ADCY8: variants seen among roughly 807,000 people sequenced by gnomAD.
ADCY8 encodes adenylate cyclase type 8.
Under a neutral mutation model 119.7 loss-of-function variants are expected in ADCY8, and 51 were observed. That is an observed-to-expected ratio of 0.43 (90% CI 0.34 to 0.54). The LOEUF is 0.54. ADCY8 is among the 20% of genes least tolerant of loss of function. The pLI is 0.03. For synonymous variants in ADCY8, 665 were observed against 651.0 expected (o/e 1.02, Z -0.33); for missense variants, 1,383 against 1,598.8 (o/e 0.87, Z 2.30).
intron 2 of ADCY8, among the ~76,000 whole-genome samples, chr8:130,987,480 A>T (rs1168248510): frequency 6.6e-6 from 1 of 151,524 alleles, no homozygotes; most frequent in East Asian, 1.9e-4. Flanking sequence ...TTAAATAATT[A>T]TTTTTTTTTG....
At position 130,938,369 on chromosome 8, in the gene ADCY8, C is replaced by T. The variant is rs137877886; in HGVS notation, c.1354-1169G>A. Reference sequence around the variant, plus strand: ...GAAGAGTTGGACTCCAGGCCTAGCTCCTTCACATATCTGTTTTTCATCATG... The same window carrying T: ...GAAGAGTTGGACTCCAGGCCTAGCTTCTTCACATATCTGTTTTTCATCATG... On this transcript the variant is annotated intron_variant, in intron 4 of 17. Transcript: ENST00000286355. Among the ~76,000 whole-genome samples the T allele has an allele frequency of 9.4e-3, 1,431 of 152,194 alleles. 24 individuals carry two copies. The highest frequency in any genetic ancestry group is 0.032 in the African/African-American group (1,349 of 41,514).
Position 130,895,059 on chromosome 8 carries a change from T to C in ADCY8, c.1911+8713A>G, listed in dbSNP as rs566283989. 3.3e-5 allele frequency among the ~76,000 whole-genome samples: 5 copies of C among 152,136 alleles called. No homozygotes were observed. The South Asian group carries it at 6.2e-4, about 19-fold the overall frequency. ...TTGGCAAAGTGAACACCAAGAATGA[T>C]AGAAAATAAATCCCACTTCTTTGTT... On this transcript the variant is annotated intron_variant, in intron 7 of 17. Coordinates refer to ENST00000286355, the MANE Select transcript of ADCY8 (RefSeq NM_001115.3).
chr8:130,912,532 A>T (rs901703915), intron 5 of ADCY8, among the ~76,000 whole-genome samples: 5 of 152,222 alleles, frequency 3.3e-5, no homozygotes, highest in Non-Finnish European at 5.9e-5. Flanking sequence ...CTTTTTTAAA[A>T]GAAAAAAATA....
At chr8:130,842,905 A>G (rs1317215758) in intron 11 of ADCY8, among the ~76,000 whole-genome samples, 2 of 150,908 alleles carry the variant, frequency 1.3e-5, no homozygotes, top group African/African-American at 4.9e-5. Context: ...ATTCAAATAT[A>G]CTCAGTCAAA....
chr8:130,893,657 GGTGT>G (rs113157821), intron 7 of ADCY8, among the ~76,000 whole-genome samples: 25,081 of 148,824 alleles, frequency 0.17, 2,128 homozygotes, highest in Non-Finnish European at 0.2. Context: ...GGGAGAAGAA[GGTGT>G]GTGTGTGTGT....
intron 1 of ADCY8, among the ~76,000 whole-genome samples, chr8:130,992,528 C>T (rs914702192): frequency 2.0e-5 from 3 of 150,726 alleles, no homozygotes; most frequent in Non-Finnish European, 2.9e-5. Context: ...AATTCTCCTG[C>T]CTCAGCCTCC....
At chr8:130,934,969 G>A (rs1465294709) in intron 5 of ADCY8, among the ~76,000 whole-genome samples, 2 of 152,090 alleles carry the variant, frequency 1.3e-5, no homozygotes, top group Non-Finnish European at 2.9e-5. Context: ...CCTTAAATGA[G>A]GCATAAGGCC....
intron 1 of ADCY8, among the ~76,000 whole-genome samples, chr8:131,000,420 G>C (rs910819325): frequency 2.0e-5 from 3 of 152,182 alleles, no homozygotes; most frequent in Non-Finnish European, 2.9e-5. Context: ...GGCTGAAGAA[G>C]TGTTGGCCTC....
intron 1 of ADCY8, among the ~76,000 whole-genome samples, chr8:131,030,029 T>C (rs1266567054): frequency 3.3e-5 from 5 of 152,278 alleles, no homozygotes; most frequent in Admixed American, 3.3e-4. Context: ...AAGGGGCTCA[T>C]AGTCTGGTGG....
At chr8:130,866,898 C>G (rs1818143376) in intron 9 of ADCY8, among the ~76,000 whole-genome samples, 1 of 152,144 alleles carries the variant, frequency 6.6e-6, no homozygotes, top group South Asian at 2.1e-4. Context: ...TGCTCAGTAA[C>G]TGGGAGCCAT....
At chr8:130,838,006 T>C (rs139195931) in intron 11 of ADCY8, among the ~76,000 whole-genome samples, 3 of 152,354 alleles carry the variant, frequency 2.0e-5, no homozygotes, top group African/African-American at 7.2e-5. Flanking sequence ...TTGTTATACA[T>C]GGCTGTTTGT....
chr8:130,953,171 T>C (rs960301181), intron 2 of ADCY8, among the ~76,000 whole-genome samples: 5 of 152,286 alleles, frequency 3.3e-5, no homozygotes, highest in African/African-American at 9.6e-5. Context: ...AGTTGAATAA[T>C]AGAAAATAGG....
In ADCY8 at chr8:130,903,810, G is replaced by T. The variant is rs145706736; in HGVS notation, c.1873C>A (p.Pro625Thr). The change falls in exon 7 of 18, where the codon CCT becomes ACT. Residue 625 changes from proline (P) to threonine (T), a missense_variant. By Grantham distance (38) the Pro-to-Thr change is conservative. Transcript: ENST00000286355. ...ACGATATTATCAAAGGGCAGTTCAG[G>T]GCTCCAGGATCCTTCAGTGAATGTG... Reference protein sequence around the residue: ...GATFTEGSWSPELPFDNIVGK... With the variant: ...GATFTEGSWSTELPFDNIVGK... The T allele has an allele frequency of 1.9e-6, 3 of 1,613,116 alleles. No individual in the cohort carries two copies. The African/African-American group carries it at 4.0e-5, about 22-fold the overall frequency.
chr8:130,903,628 CAG>C lies in ADCY8; in HGVS notation c.1911+142_1911+143del, dbSNP rs1243290253. 66 of 957,148 alleles carry C rather than the reference CAG, an allele frequency of 6.9e-5. No homozygotes were observed. The East Asian group carries it at 1.2e-3, about 18-fold the overall frequency. 59.3% of individuals were successfully genotyped at this position (957,148 alleles called of 1,614,324 possible). A position where few individuals can be genotyped will look rare whatever the true frequency, so the allele number is the denominator to read the frequency against. ...CGAGGTTAATTCTGTCCTGAGGAGA[CAG>C]AGAGATAGTTTGATCATTTGCAATT... On this transcript the variant is annotated intron_variant, in intron 7 of 17. Coordinates refer to ENST00000286355, the MANE Select transcript of ADCY8 (RefSeq NM_001115.3).
At chr8:130,894,903 A>G (rs1263671026) in intron 7 of ADCY8, among the ~76,000 whole-genome samples, 1 of 152,154 alleles carries the variant, frequency 6.6e-6, no homozygotes. Context: ...TTTGCTTGGA[A>G]AGAAAAACCT....
intron 1 of ADCY8, among the ~76,000 whole-genome samples, chr8:130,997,969 A>C (rs985942519): frequency 8.5e-5 from 13 of 152,178 alleles, no homozygotes; most frequent in African/African-American, 2.7e-4. Context: ...GCCCTTATGC[A>C]TCTGTAAACT....
intron 5 of ADCY8, among the ~76,000 whole-genome samples, chr8:130,911,491 A>G (rs1343560264): frequency 6.7e-6 from 1 of 149,832 alleles, no homozygotes; most frequent in Non-Finnish European, 1.5e-5. Flanking sequence ...CCTTTACATT[A>G]CTATATCACA....
At chr8:130,933,253 A>G (rs1477200788) in intron 5 of ADCY8, among the ~76,000 whole-genome samples, 1 of 152,222 alleles carries the variant, frequency 6.6e-6, no homozygotes, top group Non-Finnish European at 1.5e-5. Flanking sequence ...TATTATGAAC[A>G]TTTCCAGTCT....
intron 2 of ADCY8, among the ~76,000 whole-genome samples, chr8:130,964,336 A>T (rs1170716907): frequency 6.6e-6 from 1 of 152,238 alleles, no homozygotes; most frequent in Non-Finnish European, 1.5e-5. Context: ...ATAAATACCT[A>T]CAGCTTCTAT....
Sources: allele counts gnomAD v4.1 joint callset (sites outside exome capture counted in the v4.1 genomes callset), GRCh38; gene constraint gnomAD v4.1.1; transcripts MANE v1.5; gene names NCBI Gene and HGNC (gene_info 2026-07-23, HGNC 2026-07-21).